TBC1D22A: variants seen among roughly 807,000 people sequenced by gnomAD.
TBC1D22A encodes the protein putative GTPase activator.
In TBC1D22A, 38 loss-of-function variants were observed where a neutral mutation model predicts 60.2. The observed-to-expected ratio is 0.63, with a 90% confidence interval of 0.49 to 0.83. The LOEUF (loss-of-function observed/expected upper bound fraction) is 0.83. Ranked by LOEUF, TBC1D22A falls within the 40% of genes least tolerant of loss-of-function variation. The pLI, the probability that TBC1D22A is intolerant of heterozygous loss-of-function variation, is 0.00. For missense variants in TBC1D22A, 628 were observed against 701.0 expected, an observed-to-expected ratio of 0.90 and a Z score of 1.18; for synonymous variants, 302 against 281.7, an observed-to-expected ratio of 1.07 and a Z score of -0.72.
intron 1 of TBC1D22A, among the ~76,000 whole-genome samples, chr22:46,784,249 G>A (rs1457315310): frequency 2.6e-5 from 4 of 152,050 alleles, no homozygotes. Flanking sequence ...TCACTATGTT[G>A]CCCAGGCTAG....
At chr22:46,924,928 G>A (rs770450238) in intron 8 of TBC1D22A, among the ~76,000 whole-genome samples, 20 of 152,154 alleles carry the variant, frequency 1.3e-4, no homozygotes, top group Non-Finnish European at 2.2e-4. Flanking sequence ...CCCCACAGCC[G>A]GTGGGACACA....
intron 4 of TBC1D22A, among the ~76,000 whole-genome samples, chr22:46,810,080 A>G (rs1356348641): frequency 6.6e-6 from 1 of 152,230 alleles, no homozygotes; most frequent in African/African-American, 2.4e-5. Flanking sequence ...AATGTGTCAC[A>G]TCAGCTCACG....
intron 8 of TBC1D22A, among the ~76,000 whole-genome samples, chr22:46,957,403 G>A (rs1301057088): frequency 1.3e-5 from 2 of 152,214 alleles, no homozygotes; most frequent in Admixed American, 6.5e-5. Context: ...GGTGGAAGGC[G>A]AAGGGAAAGC....
chr22:47,024,857 A>G (rs892953655), intron 10 of TBC1D22A, among the ~76,000 whole-genome samples: 2 of 152,228 alleles, frequency 1.3e-5, no homozygotes, highest in South Asian at 2.1e-4. Context: ...CCCTGTCTCA[A>G]AAGAAAAAAA....
intron 4 of TBC1D22A, among the ~76,000 whole-genome samples, chr22:46,857,585 T>C (rs1202424522): frequency 6.6e-6 from 1 of 152,228 alleles, no homozygotes; most frequent in African/African-American, 2.4e-5. Context: ...TTGACTGTCA[T>C]CACAGTCAAT....
intron 4 of TBC1D22A, among the ~76,000 whole-genome samples, chr22:46,868,133 A>C (rs778129850): frequency 6.6e-6 from 1 of 152,174 alleles, no homozygotes; most frequent in East Asian, 1.9e-4. Flanking sequence ...TCACTGTATT[A>C]ATGGTAGGTC....
intron 11 of TBC1D22A, among the ~76,000 whole-genome samples, chr22:47,060,217 G>A (rs1172340271): frequency 6.6e-6 from 1 of 151,578 alleles, no homozygotes; most frequent in Non-Finnish European, 1.5e-5. Context: ...AGCCTCTGCG[G>A]CCCCTGCTAA....
chr22:47,064,732 T>C (rs1210258309), intron 11 of TBC1D22A, among the ~76,000 whole-genome samples: 1 of 152,322 alleles, frequency 6.6e-6, no homozygotes, highest in East Asian at 1.9e-4. Context: ...AACGCTGAGA[T>C]TGTCCCTCTA....
chr22:46,806,311 G>GGCAT (rs1269296044), intron 4 of TBC1D22A, among the ~76,000 whole-genome samples: 4 of 150,482 alleles, frequency 2.7e-5, no homozygotes, highest in Non-Finnish European at 5.9e-5. Context: ...TCAGTGACAT[G>GGCAT]GCATTTAGAA....
intron 8 of TBC1D22A, among the ~76,000 whole-genome samples, chr22:46,950,224 G>A (rs2072815551): frequency 6.6e-6 from 1 of 152,166 alleles, no homozygotes; most frequent in African/African-American, 2.4e-5. Context: ...ATGAATCAGA[G>A]GAACGAGTGA....
chr22:47,059,367 G>A (rs1176832021), intron 11 of TBC1D22A, among the ~76,000 whole-genome samples: 1 of 152,224 alleles, frequency 6.6e-6, no homozygotes, highest in African/African-American at 2.4e-5. Flanking sequence ...CACTGGCAGC[G>A]TCCCCCCGGC....
At chr22:46,980,292 C>T (rs1367304423) in intron 9 of TBC1D22A, among the ~76,000 whole-genome samples, 2 of 152,206 alleles carry the variant, frequency 1.3e-5, no homozygotes, top group African/African-American at 4.8e-5. Flanking sequence ...AAGTGATTCT[C>T]CTGTCTCAGC....
intron 5 of TBC1D22A, among the ~76,000 whole-genome samples, chr22:46,879,461 T>G (rs1388192344): frequency 6.6e-6 from 1 of 152,234 alleles, no homozygotes; most frequent in African/African-American, 2.4e-5. Flanking sequence ...TAGGGAGCTC[T>G]AAGTGTTTAC....
Position 46,865,680 on chromosome 22 carries a change from G to A in TBC1D22A, c.638-12973G>A, listed in dbSNP as rs143388847. 1.2e-4 allele frequency among the ~76,000 whole-genome samples: 18 copies of A among 152,310 alleles called. No individual in the cohort carries two copies. In the South Asian group the frequency reaches 3.5e-3, roughly 30 times the overall value. On this transcript the variant is annotated intron_variant, in intron 4 of 12. Coordinates refer to ENST00000337137, the MANE Select transcript of TBC1D22A (RefSeq NM_014346.5). ...TTCCCCTGCACAGGCATGTCCACAGGGGGTAATAAGACCACACGTGTGCGT... is the reference window on the plus strand; with the variant it reads ...TTCCCCTGCACAGGCATGTCCACAGAGGGTAATAAGACCACACGTGTGCGT...
intron 10 of TBC1D22A, among the ~76,000 whole-genome samples, chr22:47,020,535 A>G (rs1327427599): frequency 7.0e-6 from 1 of 143,494 alleles, no homozygotes; most frequent in Non-Finnish European, 1.5e-5. Flanking sequence ...TTGGTGTGGC[A>G]CTGTCTGTCA....
At chr22:47,152,739 A>G (rs2067552631) in intron 12 of TBC1D22A, among the ~76,000 whole-genome samples, 1 of 152,146 alleles carries the variant, frequency 6.6e-6, no homozygotes, top group Non-Finnish European at 1.5e-5. Flanking sequence ...TTCCCATTTT[A>G]CAGGCCCGGG....
chr22:46,921,198 G>A (rs756882223), intron 8 of TBC1D22A, among the ~76,000 whole-genome samples: 87 of 152,262 alleles, frequency 5.7e-4, no homozygotes, highest in African/African-American at 1.8e-3. Context: ...GGTAATAAGC[G>A]TAGTACCCGA....
intron 4 of TBC1D22A, among the ~76,000 whole-genome samples, chr22:46,843,356 C>G (rs1202216462): frequency 6.6e-6 from 1 of 152,122 alleles, no homozygotes; most frequent in Admixed American, 6.5e-5. Flanking sequence ...GATAAAACAG[C>G]CACGGGTATA....
intron 4 of TBC1D22A, among the ~76,000 whole-genome samples, chr22:46,870,059 G>A (rs998083316): frequency 6.6e-6 from 1 of 152,192 alleles, no homozygotes; most frequent in African/African-American, 2.4e-5. Context: ...TCTTGGATTT[G>A]TACATTATGT....
Sources: gnomAD v4.1 joint callset for allele counts (sites outside exome capture counted in the v4.1 genomes callset) on GRCh38, gnomAD v4.1.1 for gene constraint, MANE v1.5 for transcripts, NCBI Gene and HGNC (gene_info 2026-07-23, HGNC 2026-07-21) for gene names.